Variants in CSMD1 observed in about 807,000 individuals in gnomAD.
CSMD1 encodes CUB and sushi domain-containing protein 1.
CSMD1 carries 213 observed loss-of-function variants against 417.5 expected under a neutral mutation model. That is an observed-to-expected ratio of 0.51 (90% CI 0.46 to 0.57). The LOEUF is 0.57. Ranked by LOEUF, CSMD1 falls within the 20% of genes least tolerant of loss-of-function variation. The pLI is 0.00. For synonymous variants in CSMD1, 2,862 were observed against 1,736.8 expected, an observed-to-expected ratio of 1.65 and a Z score of -16.11; for missense variants, 6,923 against 4,529.7, an observed-to-expected ratio of 1.53 and a Z score of -15.17.
intron 25 of CSMD1, among the ~76,000 whole-genome samples, chr8:3,302,211 C>G (rs1241475016): frequency 6.6e-6 from 1 of 152,138 alleles, no homozygotes; most frequent in Non-Finnish European, 1.5e-5. Context: ...GGAGAGATGT[C>G]AGGGAAGTTT....
intron 26 of CSMD1, among the ~76,000 whole-genome samples, chr8:3,254,359 T>G (rs1027178483): frequency 6.6e-6 from 1 of 152,146 alleles, no homozygotes. Flanking sequence ...TGTCTTAGAG[T>G]TACTCTTCTC....
chr8:4,819,476 C>T (rs1448546163), intron 1 of CSMD1, among the ~76,000 whole-genome samples: 1 of 152,136 alleles, frequency 6.6e-6, no homozygotes, highest in Non-Finnish European at 1.5e-5. Context: ...TGACATCCAA[C>T]ATAATACATA....
intron 1 of CSMD1, among the ~76,000 whole-genome samples, chr8:4,783,223 C>T (rs11782389): frequency 6.6e-6 from 1 of 152,050 alleles, no homozygotes; most frequent in African/African-American, 2.4e-5. Context: ...AATTGTATTT[C>T]GTGAAACATA....
chr8:3,953,150 T>A (rs1173496409), intron 5 of CSMD1, among the ~76,000 whole-genome samples: 1 of 151,128 alleles, frequency 6.6e-6, no homozygotes, highest in Admixed American at 6.6e-5. Flanking sequence ...ATACCATTTA[T>A]AAAAAAAAAT....
intron 2 of CSMD1, among the ~76,000 whole-genome samples, chr8:4,542,445 T>G (rs1360575317): frequency 6.6e-6 from 1 of 152,236 alleles, no homozygotes; most frequent in Non-Finnish European, 1.5e-5. Flanking sequence ...AGAACACAGT[T>G]CTGAGAACAA....
intron 2 of CSMD1, among the ~76,000 whole-genome samples, chr8:4,473,795 T>A (rs1441193655): frequency 2.0e-5 from 3 of 152,108 alleles, no homozygotes; most frequent in African/African-American, 7.2e-5. Flanking sequence ...TATTATCTTA[T>A]AAAATGACAG....
At chr8:4,423,554 C>T (rs1797371044) in intron 2 of CSMD1, among the ~76,000 whole-genome samples, 1 of 151,884 alleles carries the variant, frequency 6.6e-6, no homozygotes, top group Non-Finnish European at 1.5e-5. Flanking sequence ...CAAAGAAATG[C>T]TAAATAAATG....
intron 2 of CSMD1, among the ~76,000 whole-genome samples, chr8:4,573,326 T>C (rs1044683971): frequency 6.6e-6 from 1 of 152,218 alleles, no homozygotes; most frequent in Non-Finnish European, 1.5e-5. Flanking sequence ...TTTTTGTTAA[T>C]GTTGACGCTA....
At chr8:4,892,729 T>C (rs1804205051) in intron 1 of CSMD1, among the ~76,000 whole-genome samples, 1 of 152,108 alleles carries the variant, frequency 6.6e-6, no homozygotes, top group Non-Finnish European at 1.5e-5. Context: ...TTAACACTTT[T>C]GCTTTCTGAT....
chr8:4,685,542 C>A (rs943372897), intron 1 of CSMD1, among the ~76,000 whole-genome samples: 2 of 152,032 alleles, frequency 1.3e-5, no homozygotes, highest in African/African-American at 2.4e-5. Context: ...CACCACTGCA[C>A]TGCAGCCTGG....
intron 3 of CSMD1, among the ~76,000 whole-genome samples, chr8:4,294,390 T>A (rs949162337): frequency 6.6e-6 from 1 of 152,180 alleles, no homozygotes; most frequent in Admixed American, 6.5e-5. Context: ...ATGTCACCGT[T>A]CTTTCTGATT....
intron 49 of CSMD1, among the ~76,000 whole-genome samples, chr8:3,054,224 G>A (rs988645385): frequency 2.0e-5 from 3 of 152,166 alleles, no homozygotes; most frequent in Non-Finnish European, 2.9e-5. Flanking sequence ...TGCCAGAGAA[G>A]TAAAAGAAAA....
intron 2 of CSMD1, among the ~76,000 whole-genome samples, chr8:4,437,774 T>C (rs1471108631): frequency 1.3e-5 from 2 of 152,172 alleles, no homozygotes; most frequent in Non-Finnish European, 2.9e-5. Context: ...ACAGAGATCT[T>C]TGAGTTGTCT....
chr8:3,843,367 C>A (rs1385192583), intron 5 of CSMD1, among the ~76,000 whole-genome samples: 1 of 152,092 alleles, frequency 6.6e-6, no homozygotes, highest in Admixed American at 6.6e-5. Flanking sequence ...TTATTGTGTG[C>A]TTACAGTATG....
chr8:4,669,544 T>G (rs1038554408), intron 1 of CSMD1, among the ~76,000 whole-genome samples: 1 of 152,160 alleles, frequency 6.6e-6, no homozygotes, highest in African/African-American at 2.4e-5. Context: ...TCAATGAGAA[T>G]TTTCAGAGAT....
At chr8:4,421,838 A>G (rs556818903) in intron 2 of CSMD1, among the ~76,000 whole-genome samples, 17 of 152,116 alleles carry the variant, frequency 1.1e-4, no homozygotes, top group Admixed American at 3.3e-4. Flanking sequence ...ACAGAAATCA[A>G]TAAAATTGAA....
intron 3 of CSMD1, among the ~76,000 whole-genome samples, chr8:4,418,861 G>C (rs1409604043): frequency 1.3e-5 from 2 of 152,116 alleles, no homozygotes; most frequent in Non-Finnish European, 1.5e-5. Context: ...CACAAATGCG[G>C]TGGCATGAAA....
rs1056396510 is a variant in CSMD1 at position 3,108,455 on chromosome 8, C to T, written c.6754+148G>A. Reference sequence around the variant, plus strand: ...ACATCATTAAACAAAAAAAGGACCACAGGAAACGCTGGCCTCCAGTGCAAA... The same window carrying T: ...ACATCATTAAACAAAAAAAGGACCATAGGAAACGCTGGCCTCCAGTGCAAA... On this transcript the variant is annotated intron_variant, in intron 44 of 69. Coordinates refer to ENST00000635120, the MANE Select transcript of CSMD1 (RefSeq NM_033225.6). 7 of 688,276 alleles carry T rather than the reference C, an allele frequency of 1.0e-5. No individual in the cohort carries two copies. In the South Asian group the frequency reaches 1.5e-4, roughly 15 times the overall value. The allele number at this position is 688,276 out of a possible 1,614,324, so 42.6% of individuals were successfully genotyped here. A position where few individuals can be genotyped will look rare whatever the true frequency, so the allele number is the denominator to read the frequency against.
intron 3 of CSMD1, among the ~76,000 whole-genome samples, chr8:4,058,558 C>A (rs1276065855): frequency 6.6e-6 from 1 of 151,876 alleles, no homozygotes; most frequent in Non-Finnish European, 1.5e-5. Flanking sequence ...CTGGCCAGAA[C>A]TTCCAACATA....
Sources: allele counts gnomAD v4.1 joint callset (sites outside exome capture counted in the v4.1 genomes callset), GRCh38; gene constraint gnomAD v4.1.1; transcripts MANE v1.5; gene names NCBI Gene and HGNC (gene_info 2026-07-23, HGNC 2026-07-21).